CTNNA2: variants seen among roughly 807,000 people sequenced by gnomAD.
CTNNA2 encodes catenin alpha-2.
A neutral mutation model predicts 101.0 loss-of-function variants in CTNNA2; 42 were observed. That is an observed-to-expected ratio of 0.42 (90% CI 0.32 to 0.54). The LOEUF (loss-of-function observed/expected upper bound fraction) is 0.54, where lower values mean the gene tolerates loss of function less well. Among genes scored for constraint, CTNNA2 ranks in the 20% least tolerant of loss-of-function variants. The probability of loss-of-function intolerance (pLI) is 0.14; values close to 1 mark genes in which losing one functional copy is unlikely to be tolerated. For missense variants in CTNNA2, 871 were observed against 1,223.1 expected (o/e 0.71, Z 4.29); for synonymous variants, 450 against 456.4 (o/e 0.99, Z 0.18).
At chr2:79,368,037 T>A (rs1408156782) in intron 3 of CTNNA2, among the ~76,000 whole-genome samples, 2 of 152,176 alleles carry the variant, frequency 1.3e-5, no homozygotes, top group Non-Finnish European at 2.9e-5. Flanking sequence ...CAATAAAAGA[T>A]GACAATGGTT....
At chr2:79,216,242 T>C (rs1470647429) in intron 2 of CTNNA2, among the ~76,000 whole-genome samples, 1 of 151,120 alleles carries the variant, frequency 6.6e-6, no homozygotes, top group African/African-American at 2.4e-5. Context: ...GTTGAAGAGG[T>C]TTTAGGTTTT....
chr2:80,038,157 C>T (rs1308007665), intron 7 of CTNNA2, among the ~76,000 whole-genome samples: 1 of 152,114 alleles, frequency 6.6e-6, no homozygotes, highest in African/African-American at 2.4e-5. Flanking sequence ...ATGGACTCTG[C>T]CTAGTACTGT....
chr2:80,503,440 T>C (rs1416444393), intron 9 of CTNNA2, among the ~76,000 whole-genome samples: 1 of 152,144 alleles, frequency 6.6e-6, no homozygotes, highest in Non-Finnish European at 1.5e-5. Context: ...CATTATAGCC[T>C]CTGTTTTGAA....
chr2:79,994,279 C>T (rs1402031071), intron 7 of CTNNA2, among the ~76,000 whole-genome samples: 2 of 152,190 alleles, frequency 1.3e-5, no homozygotes, highest in African/African-American at 4.8e-5. Flanking sequence ...TCTTGAGCCA[C>T]AGACCCGTCC....
chr2:79,850,829 A>T (rs751659805), intron 3 of CTNNA2, among the ~76,000 whole-genome samples: 3 of 152,234 alleles, frequency 2.0e-5, no homozygotes, highest in African/African-American at 7.2e-5. Flanking sequence ...AACTTGGCAC[A>T]TTGTGAGCTC....
At chr2:79,905,304 G>A (rs751362904) in intron 6 of CTNNA2, among the ~76,000 whole-genome samples, 3 of 152,026 alleles carry the variant, frequency 2.0e-5, no homozygotes, top group Admixed American at 1.3e-4. Flanking sequence ...AGAAATGCAG[G>A]CCCTCTATCT....
rs143203621 is a variant in CTNNA2, at chr2:80,049,042, G to A, written c.1056+139245G>A. Among the ~76,000 whole-genome samples the A allele has an allele frequency of 2.3e-3, 355 of 152,276 alleles. 6 individuals are homozygous for A. The highest frequency in any genetic ancestry group is 0.018 in the Admixed American group (280 of 15,294). ...GTCTAGGGGCAAAGAGGAGGCATTC[G>A]AGCAGGGAAGTAGCAAGATCTAATC... On this transcript the variant is annotated intron_variant, in intron 7 of 18. Coordinates refer to ENST00000402739, the MANE Select transcript of CTNNA2 (RefSeq NM_001282597.3).
chr2:80,353,690 A>G (rs547252882), intron 7 of CTNNA2, among the ~76,000 whole-genome samples: 1 of 152,292 alleles, frequency 6.6e-6, no homozygotes, highest in African/African-American at 2.4e-5. Context: ...TTACAAAACA[A>G]TGATTATGCA....
intron 4 of CTNNA2, among the ~76,000 whole-genome samples, chr2:79,392,385 A>G (rs974409068): frequency 6.6e-6 from 1 of 152,208 alleles, no homozygotes; most frequent in African/African-American, 2.4e-5. Flanking sequence ...TCAAAAATAC[A>G]CTAAAGTAGA....
intron 2 of CTNNA2, among the ~76,000 whole-genome samples, chr2:79,224,171 A>G (rs765620852): frequency 2.0e-5 from 3 of 152,210 alleles, no homozygotes; most frequent in Non-Finnish European, 2.9e-5. Flanking sequence ...TTGTGTGTGT[A>G]TATCTGCTGG....
At chr2:80,369,772 C>G (rs754191217) in intron 7 of CTNNA2, among the ~76,000 whole-genome samples, 5 of 152,066 alleles carry the variant, frequency 3.3e-5, no homozygotes, top group African/African-American at 4.8e-5. Flanking sequence ...ACTACAGAAG[C>G]ACAGCCAGAG....
chr2:80,192,979 G>A (rs1403615830), intron 7 of CTNNA2, among the ~76,000 whole-genome samples: 2 of 152,114 alleles, frequency 1.3e-5, no homozygotes, highest in Admixed American at 6.5e-5. Context: ...GATTGTAAGT[G>A]TGTAAGGTGT....
At chr2:79,479,585 C>T (rs950741799) in intron 4 of CTNNA2, among the ~76,000 whole-genome samples, 6 of 152,178 alleles carry the variant, frequency 3.9e-5, no homozygotes, top group African/African-American at 1.4e-4. Context: ...GCATTTCATA[C>T]TGCAAATATA....
chr2:80,078,875 C>T (rs1482348785), intron 7 of CTNNA2, among the ~76,000 whole-genome samples: 2 of 152,176 alleles, frequency 1.3e-5, no homozygotes, highest in African/African-American at 4.8e-5. Flanking sequence ...GTCCTGAACA[C>T]AGGCTAGGGG....
chr2:79,817,058 T>TAA (rs961553801), intron 3 of CTNNA2, among the ~76,000 whole-genome samples: 5 of 152,092 alleles, frequency 3.3e-5, no homozygotes, highest in African/African-American at 1.2e-4. Context: ...TATTATACTT[T>TAA]AAGTTTTAGG....
chr2:80,268,330 C>A (rs1458399125), intron 7 of CTNNA2, among the ~76,000 whole-genome samples: 1 of 152,184 alleles, frequency 6.6e-6, no homozygotes, highest in Admixed American at 6.5e-5. Context: ...TTGAAATTTG[C>A]AAACCTGTCC....
chr2:80,628,453 A>T (rs1671921989), intron 18 of CTNNA2, among the ~76,000 whole-genome samples: 1 of 151,776 alleles, frequency 6.6e-6, no homozygotes, highest in Non-Finnish European at 1.5e-5. Context: ...CCTCAGAAAT[A>T]ACACCACACA....
chr2:79,215,300 C>T (rs1381584712), intron 2 of CTNNA2, among the ~76,000 whole-genome samples: 3 of 152,124 alleles, frequency 2.0e-5, no homozygotes, highest in Admixed American at 6.5e-5. Flanking sequence ...GAGAGGCGGG[C>T]CTGGAGGAAC....
intron 4 of CTNNA2, among the ~76,000 whole-genome samples, chr2:79,471,790 A>T (rs1035435262): frequency 6.6e-6 from 1 of 152,112 alleles, no homozygotes; most frequent in African/African-American, 2.4e-5. Flanking sequence ...GTGAGCTGAG[A>T]TCACACCACT....
Sources: gnomAD v4.1 joint callset for allele counts (sites outside exome capture counted in the v4.1 genomes callset) on GRCh38, gnomAD v4.1.1 for gene constraint, MANE v1.5 for transcripts, NCBI Gene and HGNC (gene_info 2026-07-23, HGNC 2026-07-21) for gene names.